MITF: variants seen among roughly 807,000 people sequenced by gnomAD.
The protein encoded by MITF is microphthalmia-associated transcription factor.
A neutral mutation model predicts 60.5 loss-of-function variants in MITF; 17 were observed. That is an observed-to-expected ratio of 0.28 (90% CI 0.19 to 0.42). The LOEUF (loss-of-function observed/expected upper bound fraction) is 0.42, where lower values mean the gene tolerates loss of function less well. Ranked by LOEUF, MITF falls within the 10% of genes least tolerant of loss-of-function variation. The pLI is 1.00. For missense variants in MITF, 622 were observed against 683.5 expected, an observed-to-expected ratio of 0.91 and a Z score of 1.00; for synonymous variants, 260 against 248.5, an observed-to-expected ratio of 1.05 and a Z score of -0.43.
At chr3:69,800,273 C>A (rs963115431) in intron 1 of MITF, among the ~76,000 whole-genome samples, 1 of 152,100 alleles carries the variant, frequency 6.6e-6, no homozygotes, top group Admixed American at 6.5e-5. Context: ...AAGGAATGAC[C>A]TTTTTATGGT....
intron 2 of MITF, among the ~76,000 whole-genome samples, chr3:69,928,981 C>A (rs1331233721): frequency 3.3e-5 from 5 of 152,144 alleles, no homozygotes; most frequent in Non-Finnish European, 5.9e-5. Flanking sequence ...GATAAGGAAG[C>A]TTTATCATGT....
At chr3:69,746,741 T>C (rs530934747) in intron 1 of MITF, among the ~76,000 whole-genome samples, 1 of 152,302 alleles carries the variant, frequency 6.6e-6, no homozygotes, top group South Asian at 2.1e-4. Flanking sequence ...CTAGTGAACA[T>C]TGTGTACTCC....
At chr3:69,770,329 C>A (rs575134999) in intron 1 of MITF, among the ~76,000 whole-genome samples, 2 of 152,182 alleles carry the variant, frequency 1.3e-5, no homozygotes, top group East Asian at 3.9e-4. Flanking sequence ...GGTATGCATT[C>A]CAGAGAATCC....
At position 69,792,032 on chromosome 3, in the gene MITF, TG is replaced by T. The variant is rs1231910504; in HGVS notation, c.104+52332del. On this transcript the variant is annotated intron_variant, in intron 1 of 9. Coordinates refer to ENST00000352241, the MANE Select transcript of MITF (RefSeq NM_001354604.2). Reference sequence around the variant, plus strand: ...TTGCTCCTTGAAGTAGAGACGGATGTGCTGAATCCTCATCTGTACTTGCCAG... The same window carrying T: ...TTGCTCCTTGAAGTAGAGACGGATGTCTGAATCCTCATCTGTACTTGCCAG... 2.0e-5 allele frequency among the ~76,000 whole-genome samples: 3 copies of T among 152,340 alleles called. No homozygotes were observed. The East Asian group carries it at 5.8e-4, about 29-fold the overall frequency.
chr3:69,862,218 C>G (rs2064029346), intron 1 of MITF, among the ~76,000 whole-genome samples: 1 of 152,104 alleles, frequency 6.6e-6, no homozygotes. Flanking sequence ...CTTTATACTT[C>G]TTAAATCTCC....
At chr3:69,950,450 A>T (rs1397420900) in intron 6 of MITF, among the ~76,000 whole-genome samples, 94 of 15,382 alleles carry the variant, frequency 6.1e-3, no homozygotes, top group African/African-American at 0.03. Context: ...CTTCTGAGTT[A>T]TATATATATA....
intron 1 of MITF, among the ~76,000 whole-genome samples, chr3:69,841,337 A>G (rs970339071): frequency 6.6e-6 from 1 of 152,206 alleles, no homozygotes; most frequent in Admixed American, 6.5e-5. Flanking sequence ...ATGTTCAAAC[A>G]CATCTTTGTT....
chr3:69,936,150 T>C (rs2107472589), intron 2 of MITF, among the ~76,000 whole-genome samples: 1 of 152,256 alleles, frequency 6.6e-6, no homozygotes, highest in Admixed American at 6.5e-5. Flanking sequence ...CTGTTGAACT[T>C]GAACATTCAG....
chr3:69,933,160 A>G (rs1176962359), intron 2 of MITF, among the ~76,000 whole-genome samples: 1 of 152,100 alleles, frequency 6.6e-6, no homozygotes, highest in Non-Finnish European at 1.5e-5. Flanking sequence ...ACTGCACTCC[A>G]GCCTGGGCAA....
intron 2 of MITF, among the ~76,000 whole-genome samples, chr3:69,900,115 G>A (rs2064963848): frequency 6.6e-6 from 1 of 152,074 alleles, no homozygotes; most frequent in African/African-American, 2.4e-5. Context: ...TGGGAGGGGT[G>A]GGGAAATAAT....
intron 1 of MITF, among the ~76,000 whole-genome samples, chr3:69,752,567 G>C (rs1157848271): frequency 6.6e-6 from 1 of 152,176 alleles, no homozygotes; most frequent in East Asian, 1.9e-4. Context: ...TAGGGTAACT[G>C]GCAGAAGAAA....
At chr3:69,794,609 C>T (rs2062798463) in intron 1 of MITF, among the ~76,000 whole-genome samples, 2 of 152,102 alleles carry the variant, frequency 1.3e-5, no homozygotes, top group African/African-American at 2.4e-5. Flanking sequence ...TTAAAATTCA[C>T]ATGCATTAAA....
At chr3:69,851,841 T>A (rs1322528768) in intron 1 of MITF, among the ~76,000 whole-genome samples, 2 of 152,178 alleles carry the variant, frequency 1.3e-5, no homozygotes, top group Non-Finnish European at 2.9e-5. Flanking sequence ...TTACCCAATA[T>A]GCTCACATGC....
intron 1 of MITF, among the ~76,000 whole-genome samples, chr3:69,748,441 A>G (rs1360159334): frequency 6.6e-6 from 1 of 152,152 alleles, no homozygotes; most frequent in Non-Finnish European, 1.5e-5. Context: ...GGGTTTCGCC[A>G]TGTTGGCTAG....
intron 1 of MITF, among the ~76,000 whole-genome samples, chr3:69,815,069 T>C (rs908484795): frequency 6.6e-6 from 1 of 152,068 alleles, no homozygotes; most frequent in Non-Finnish European, 1.5e-5. Context: ...ATAAATACAG[T>C]GGGGCCCAGG....
chr3:69,893,857 CT>C (rs1330730641), intron 2 of MITF, among the ~76,000 whole-genome samples: 2 of 152,154 alleles, frequency 1.3e-5, no homozygotes, highest in African/African-American at 4.8e-5. Context: ...CAGTTTTTAA[CT>C]TTCCCCCAAA....
At chr3:69,784,253 T>G (rs1157808357) in intron 1 of MITF, among the ~76,000 whole-genome samples, 2 of 152,178 alleles carry the variant, frequency 1.3e-5, no homozygotes, top group Non-Finnish European at 2.9e-5. Context: ...TGTTTGTTCT[T>G]TTTTCAGGAT....
At chr3:69,878,763 C>T (rs761471050) in intron 1 of MITF, among the ~76,000 whole-genome samples, 3 of 151,804 alleles carry the variant, frequency 2.0e-5, no homozygotes, top group African/African-American at 4.8e-5. Context: ...GCAAATCAAG[C>T]AATTTATTTT....
intron 1 of MITF, among the ~76,000 whole-genome samples, chr3:69,850,264 G>T (rs1026598838): frequency 6.6e-6 from 1 of 152,192 alleles, no homozygotes; most frequent in Admixed American, 6.5e-5. Flanking sequence ...GATATAGCCT[G>T]TGGCTTAAGA....
Sources: allele counts gnomAD v4.1 joint callset (sites outside exome capture counted in the v4.1 genomes callset), GRCh38; gene constraint gnomAD v4.1.1; transcripts MANE v1.5; gene names NCBI Gene and HGNC (gene_info 2026-07-23, HGNC 2026-07-21).